Variants in PDZD2 observed in about 807,000 individuals in gnomAD.
PDZD2 encodes the protein PDZ domain-containing protein 2.
Under a neutral mutation model 220.7 loss-of-function variants are expected in PDZD2, and 90 were observed. That is an observed-to-expected ratio of 0.41 (90% CI 0.34 to 0.49). The LOEUF (loss-of-function observed/expected upper bound fraction) is 0.49, where lower values mean the gene tolerates loss of function less well. PDZD2 is among the 20% of genes least tolerant of loss of function. The probability of loss-of-function intolerance (pLI) is 0.28; values close to 1 mark genes in which losing one functional copy is unlikely to be tolerated. For missense variants in PDZD2, 3,174 were observed against 3,608.5 expected, an observed-to-expected ratio of 0.88 and a Z score of 3.08; for synonymous variants, 1,375 against 1,450.5, an observed-to-expected ratio of 0.95 and a Z score of 1.18.
chr5:31,728,155 T>C (rs1749293446), intron 1 of PDZD2, among the ~76,000 whole-genome samples: 1 of 152,122 alleles, frequency 6.6e-6, no homozygotes, highest in South Asian at 2.1e-4. Flanking sequence ...ATTCTTTGTT[T>C]GGCTGGGGTG....
chr5:31,670,932 C>T (rs991914069), intron 1 of PDZD2, among the ~76,000 whole-genome samples: 3 of 152,110 alleles, frequency 2.0e-5, no homozygotes, highest in South Asian at 2.1e-4. Flanking sequence ...ATTGCCCCAC[C>T]AAGACCCCTG....
At chr5:31,978,230 A>G (rs1420841129) in intron 2 of PDZD2, among the ~76,000 whole-genome samples, 2 of 152,180 alleles carry the variant, frequency 1.3e-5, no homozygotes, top group African/African-American at 4.8e-5. Flanking sequence ...AGAGGACATG[A>G]TTGTATTCCA....
At chr5:31,907,728 C>T (rs1181428061) in intron 2 of PDZD2, among the ~76,000 whole-genome samples, 1 of 151,944 alleles carries the variant, frequency 6.6e-6, no homozygotes, top group Non-Finnish European at 1.5e-5. Flanking sequence ...TAATCCCCAC[C>T]CCCCACTCCC....
At chr5:31,827,514 A>T (rs1004627895) in intron 2 of PDZD2, among the ~76,000 whole-genome samples, 1 of 151,822 alleles carries the variant, frequency 6.6e-6, no homozygotes, top group Admixed American at 6.6e-5. Flanking sequence ...CCAACATGGT[A>T]ACACCCCGTC....
intron 2 of PDZD2, among the ~76,000 whole-genome samples, chr5:31,881,713 T>G (rs1580981839): frequency 6.7e-6 from 1 of 149,510 alleles, no homozygotes; most frequent in East Asian, 2.0e-4. Flanking sequence ...CACATATATA[T>G]ATACACACAC....
In PDZD2 at chr5:31,718,576, CCTT is replaced by C. The variant is rs532696818; in HGVS notation, c.-361+79143_-361+79145del. 2.0e-3 allele frequency among the ~76,000 whole-genome samples: 304 copies of C among 152,252 alleles called. 1 individual carries two copies. Among genetic ancestry groups the C allele is most frequent in the African/African-American group, 6.7e-3 (277 of 41,546 alleles). On this transcript the variant is annotated intron_variant, in intron 1 of 24. Coordinates refer to ENST00000438447, the MANE Select transcript of PDZD2 (RefSeq NM_178140.4). Reference sequence around the variant, plus strand: ...TGTTTCCTTGTCTTGCAGATGGCCACCTTCTTGCTGTGTCTGCTTCTGTGCTTA... The same window carrying C: ...TGTTTCCTTGTCTTGCAGATGGCCACCTTGCTGTGTCTGCTTCTGTGCTTA...
At chr5:31,662,104 A>G (rs576199102) in intron 1 of PDZD2, among the ~76,000 whole-genome samples, 192 of 152,192 alleles carry the variant, frequency 1.3e-3, no homozygotes, top group African/African-American at 4.5e-3. Context: ...TGAGGTTAGG[A>G]GTTCGTGACC....
intron 2 of PDZD2, among the ~76,000 whole-genome samples, chr5:31,958,706 G>T (rs562345097): frequency 6.7e-6 from 1 of 149,316 alleles, no homozygotes; most frequent in East Asian, 2.0e-4. Flanking sequence ...CTGCAGCCTC[G>T]ACCTCCTAGG....
Position 31,799,699 on chromosome 5 carries a change from G to A in PDZD2, c.451G>A (p.Val151Ile), listed in dbSNP as rs1378285709. ...EILSLNGQLM[V>I]GVDVSGASYL... ...CCTCTCACTGAATGGGCAGCTGATG[G>A]TTGGAGTTGATGTCAGTGGGGCCAG... is the stretch of plus-strand genomic sequence containing the variant. Residue 151 changes from valine to isoleucine, a missense_variant, in exon 2 of 25, where the codon GTT becomes ATT. Val to Ile is a conservative substitution (Grantham distance 29). Coordinates refer to ENST00000438447, the MANE Select transcript of PDZD2 (RefSeq NM_178140.4). 2 of 1,613,502 alleles carry A rather than the reference G, an allele frequency of 1.2e-6. No homozygotes were observed. Among genetic ancestry groups the A allele is most frequent in the East Asian group, 2.2e-5 (1 of 44,886 alleles).
chr5:31,964,067 T>TC (rs1267703838), intron 2 of PDZD2, among the ~76,000 whole-genome samples: 1 of 152,236 alleles, frequency 6.6e-6, no homozygotes, highest in African/African-American at 2.4e-5. Flanking sequence ...ATACTTTTTT[T>TC]CCAGACATGG....
chr5:32,031,070 C>G (rs922017079), intron 6 of PDZD2, among the ~76,000 whole-genome samples: 2 of 152,134 alleles, frequency 1.3e-5, no homozygotes, highest in African/African-American at 4.8e-5. Context: ...AATCATTTGT[C>G]TCATGTTTTC....
chr5:32,090,898 G>A lies in PDZD2; in HGVS notation c.7450G>A (p.Glu2484Lys), dbSNP rs1448791109. ...PSPVSRSKLQ[E>K]LRALSMPDLD... ...GCCCGTGTCCCGCTCCAAGCTCCAG[G>A]AGCTGAGAGCCTTGAGCATGCCTGA... Residue 2484 changes from glutamate (E) to lysine (K), a missense_variant, in exon 20 of 25, where the codon GAG becomes AAG. Coordinates refer to ENST00000438447, the MANE Select transcript of PDZD2 (RefSeq NM_178140.4). This position sits in a 1 kb window ranked among gnomAD's most constrained non-coding sequence, Gnocchi z 4.3. 1 of 1,613,958 alleles carries A rather than the reference G, an allele frequency of 6.2e-7. No homozygotes were observed. Among genetic ancestry groups the A allele is most frequent in the African/African-American group, 1.3e-5 (1 of 75,048 alleles).
chr5:31,923,297 C>G, intron 2 of PDZD2: 1 of 623,110 alleles, frequency 1.6e-6, no homozygotes, highest in Non-Finnish European at 2.9e-6. Flanking sequence ...ATAAAAATAA[C>G]TTCTCCCTTT....
At chr5:32,016,055 A>G (rs896282237) in intron 6 of PDZD2, among the ~76,000 whole-genome samples, 12 of 152,192 alleles carry the variant, frequency 7.9e-5, no homozygotes, top group Admixed American at 6.5e-4. Context: ...TAGAAGGAAT[A>G]AGGGACCTGT....
chr5:31,917,208 G>C (rs1743765561), intron 2 of PDZD2, among the ~76,000 whole-genome samples: 1 of 152,194 alleles, frequency 6.6e-6, no homozygotes. Context: ...ACACTTGTCA[G>C]AGAATATTGT....
chr5:32,003,331 C>CCCCACCACACACA (rs764711883), intron 5 of PDZD2, among the ~76,000 whole-genome samples: 1 of 69,682 alleles, frequency 1.4e-5, no homozygotes, highest in Non-Finnish European at 2.5e-5. Flanking sequence ...ACACACACCC[C>CCCCACCACACACA]CACCACACCA....
chr5:31,758,938 A>T lies in PDZD2; in HGVS notation c.-360-39951A>T, dbSNP rs548487565. On this transcript the variant is annotated intron_variant, in intron 1 of 24. Transcript: ENST00000438447. ...GCCTCCACATGCGTTCCCTGGCTAC[A>T]CTGTGTTCCTGGTCCTGCTTGGCTG... Among the ~76,000 whole-genome samples the T allele has an allele frequency of 1.2e-4, 18 of 152,166 alleles. No individual in the cohort carries two copies. The East Asian group carries it at 3.5e-3, about 29-fold the overall frequency.
intron 1 of PDZD2, among the ~76,000 whole-genome samples, chr5:31,725,090 G>A (rs1462177850): frequency 1.3e-5 from 2 of 152,042 alleles, no homozygotes; most frequent in African/African-American, 4.8e-5. Context: ...CAGCATTCTG[G>A]GGGGCTAAGG....
Position 32,090,921 on chromosome 5 carries a change from T to C in PDZD2, c.7473T>C (p.Pro2491=), listed in dbSNP as rs763725657. ...KLQELRALSM[P]DLDKLCSEDY... ...AGGAGCTGAGAGCCTTGAGCATGCC[T>C]GACCTTGACAAGCTCTGCAGCGAGG... Residue 2491 remains proline, a synonymous_variant, in exon 20 of 25, where the codon CCT becomes CCC. Transcript: ENST00000438447. This position sits in a 1 kb window ranked among gnomAD's most constrained non-coding sequence, Gnocchi z 4.3. The C allele has an allele frequency of 1.9e-6, 3 of 1,614,012 alleles. No homozygotes were observed. The highest frequency in any genetic ancestry group is 2.5e-6 in the Non-Finnish European group (3 of 1,180,022).
Sources: gnomAD v4.1 joint callset for allele counts (sites outside exome capture counted in the v4.1 genomes callset) on GRCh38, gnomAD v4.1.1 for gene constraint, Gnocchi (gnomAD v3.1) non-coding constraint, MANE v1.5 for transcripts, NCBI Gene and HGNC (gene_info 2026-07-23, HGNC 2026-07-21) for gene names.